Variants in SLC35F1 observed in about 807,000 individuals in gnomAD.
SLC35F1 encodes the protein chromosome 6 open reading frame 169.
Under a neutral mutation model 48.7 loss-of-function variants are expected in SLC35F1, and 14 were observed. The observed-to-expected ratio is 0.29, with a 90% CI of 0.19 to 0.45. The LOEUF (loss-of-function observed/expected upper bound fraction) is 0.45. SLC35F1 is among the 20% of genes least tolerant of loss of function. The probability of loss-of-function intolerance (pLI) is 1.00; values close to 1 mark genes in which losing one functional copy is unlikely to be tolerated. For missense variants in SLC35F1, 404 were observed against 500.0 expected, an observed-to-expected ratio of 0.81 and a Z score of 1.83; for synonymous variants, 190 against 202.2, an observed-to-expected ratio of 0.94 and a Z score of 0.51.
rs530567395 is a variant in SLC35F1, at chr6:118,084,043, T to G, written c.174-70402T>G. ...TAATTCTCATAACAGCCAGATGAGA[T>G]AGAAGTTTTAATTTCCCGATTTTGC... On this transcript the variant is annotated intron_variant, in intron 1 of 7. Coordinates refer to ENST00000360388, the MANE Select transcript of SLC35F1 (RefSeq NM_001029858.4). Among the ~76,000 whole-genome samples, 3 of 152,304 alleles carry G rather than the reference T, an allele frequency of 2.0e-5. No homozygotes were observed. The East Asian group carries it at 5.8e-4, about 29-fold the overall frequency.
chr6:118,115,263 A>G (rs760893205), intron 1 of SLC35F1, among the ~76,000 whole-genome samples: 9 of 152,174 alleles, frequency 5.9e-5, no homozygotes, highest in African/African-American at 9.7e-5. Context: ...GTAGAGGAAG[A>G]GAGGGTCCCT....
chr6:118,164,993 A>AT (rs920981625), intron 2 of SLC35F1, among the ~76,000 whole-genome samples: 13 of 152,140 alleles, frequency 8.5e-5, no homozygotes, highest in African/African-American at 3.1e-4. Context: ...AGAGTCAGAG[A>AT]TTTTCTGCCT....
At chr6:118,268,957 A>T (rs985255632) in intron 4 of SLC35F1, among the ~76,000 whole-genome samples, 1 of 152,166 alleles carries the variant, frequency 6.6e-6, no homozygotes, top group Non-Finnish European at 1.5e-5. Flanking sequence ...CACACTGTGT[A>T]AACACAGGCT....
intron 2 of SLC35F1, among the ~76,000 whole-genome samples, chr6:118,173,710 A>G (rs2114499528): frequency 6.6e-6 from 1 of 152,312 alleles, no homozygotes; most frequent in South Asian, 2.1e-4. Flanking sequence ...TCAGCTGCCA[A>G]GCAAGGTAGG....
chr6:118,111,017 A>T (rs1204122810), intron 1 of SLC35F1, among the ~76,000 whole-genome samples: 1 of 152,104 alleles, frequency 6.6e-6, no homozygotes, highest in Non-Finnish European at 1.5e-5. Flanking sequence ...AGAAAGCACT[A>T]AGTGTATTTT....
chr6:118,232,334 A>T (rs899862764), intron 2 of SLC35F1, among the ~76,000 whole-genome samples: 1 of 151,962 alleles, frequency 6.6e-6, no homozygotes. Context: ...GGCGGATCAC[A>T]AGGTCAGGAG....
intron 4 of SLC35F1, among the ~76,000 whole-genome samples, chr6:118,270,540 A>T (rs1325838203): frequency 6.6e-6 from 1 of 152,168 alleles, no homozygotes; most frequent in African/African-American, 2.4e-5. Context: ...TATGTTTGTC[A>T]CCTGTACAAC....
At chr6:118,161,072 A>C in intron 2 of SLC35F1, among the ~76,000 whole-genome samples, 1 of 147,748 alleles carries the variant, frequency 6.8e-6, no homozygotes, top group East Asian at 1.9e-4. Context: ...CCACATGTAA[A>C]ATACTTACAT....
chr6:118,223,633 G>T (rs1775179814), intron 2 of SLC35F1, among the ~76,000 whole-genome samples: 1 of 152,214 alleles, frequency 6.6e-6, no homozygotes, highest in African/African-American at 2.4e-5. Context: ...TGGCCTTGGT[G>T]GGTCTGTGCT....
chr6:118,045,309 G>C (rs886140191), intron 1 of SLC35F1, among the ~76,000 whole-genome samples: 3 of 152,146 alleles, frequency 2.0e-5, no homozygotes, highest in Non-Finnish European at 4.4e-5. Context: ...TTCCTAGGCT[G>C]TTAGCTATGA....
intron 7 of SLC35F1, among the ~76,000 whole-genome samples, chr6:118,291,368 T>C (rs867963382): frequency 6.6e-6 from 1 of 152,134 alleles, no homozygotes; most frequent in Non-Finnish European, 1.5e-5. Flanking sequence ...GGGGAAAAAG[T>C]ATTTAAATCC....
chr6:118,280,423 T>G (rs1045214955), intron 6 of SLC35F1, among the ~76,000 whole-genome samples: 2 of 152,194 alleles, frequency 1.3e-5, no homozygotes, highest in Admixed American at 1.3e-4. Flanking sequence ...GCTTGTGGTA[T>G]GCAGGGGCCT....
chr6:118,095,465 T>C (rs1013693665), intron 1 of SLC35F1, among the ~76,000 whole-genome samples: 2 of 152,166 alleles, frequency 1.3e-5, no homozygotes, highest in African/African-American at 4.8e-5. Context: ...GACAACATGC[T>C]TGACAGGATT....
At chr6:118,200,683 TGTTA>T (rs1177136996) in intron 2 of SLC35F1, among the ~76,000 whole-genome samples, 6 of 152,172 alleles carry the variant, frequency 3.9e-5, no homozygotes, top group African/African-American at 7.2e-5. Flanking sequence ...TACCCCAGTG[TGTTA>T]GTTAGAGTAA....
Position 118,200,636 on chromosome 6 carries a change from G to A in SLC35F1, c.350-34873G>A, listed in dbSNP as rs568209876. ...TAGGCTTTTAGCCCAGATTTTTAAG[G>A]GACCAGGAGGGCCTCACAAGCTACA... On this transcript the variant is annotated intron_variant, in intron 2 of 7. Transcript: ENST00000360388. 3.9e-5 allele frequency among the ~76,000 whole-genome samples: 6 copies of A among 152,166 alleles called. No individual in the cohort carries two copies. The South Asian group carries it at 1.2e-3, about 32-fold the overall frequency.
chr6:118,132,946 C>T (rs1310152635), intron 1 of SLC35F1, among the ~76,000 whole-genome samples: 1 of 152,122 alleles, frequency 6.6e-6, no homozygotes, highest in East Asian at 1.9e-4. Flanking sequence ...GCCCATGCTG[C>T]TTCTAGAGGA....
chr6:117,973,143 C>A (rs1161442748), intron 1 of SLC35F1, among the ~76,000 whole-genome samples: 2 of 152,114 alleles, frequency 1.3e-5, no homozygotes, highest in African/African-American at 4.8e-5. Flanking sequence ...CTTCCAAAGC[C>A]TCTCTCCTTG....
intron 1 of SLC35F1, among the ~76,000 whole-genome samples, chr6:118,136,791 T>C (rs759608339): frequency 6.6e-6 from 1 of 152,216 alleles, no homozygotes; most frequent in Non-Finnish European, 1.5e-5. Flanking sequence ...CTCATCTCTC[T>C]CACTAATATA....
At chr6:118,307,853 C>T (rs374752723) in intron 7 of SLC35F1, among the ~76,000 whole-genome samples, 68 of 152,322 alleles carry the variant, frequency 4.5e-4, no homozygotes, top group African/African-American at 1.5e-3. Context: ...CACTAACCAA[C>T]ATCCTTTCGT....
Sources: allele counts gnomAD v4.1 joint callset (sites outside exome capture counted in the v4.1 genomes callset), GRCh38; gene constraint gnomAD v4.1.1; transcripts MANE v1.5; gene names NCBI Gene and HGNC (gene_info 2026-07-23, HGNC 2026-07-21).